The following DPH6 variants were observed in gnomAD, a reference collection of about 807,000 sequenced individuals.
The protein encoded by DPH6 is diphthamine biosynthesis 6.
Under a neutral mutation model 38.2 loss-of-function variants are expected in DPH6, and 33 were observed. The observed-to-expected ratio is 0.86, with a 90% CI of 0.65 to 1.15. DPH6 has a LOEUF of 1.15. DPH6 is among the 50% of genes most tolerant of loss of function. The pLI is 0.00. For synonymous variants in DPH6, 108 were observed against 103.0 expected, an observed-to-expected ratio of 1.05 and a Z score of -0.30; for missense variants, 325 against 320.0, an observed-to-expected ratio of 1.02 and a Z score of -0.12.
intron 3 of DPH6, among the ~76,000 whole-genome samples, chr15:35,471,839 T>A (rs2054202493): frequency 6.6e-6 from 1 of 152,244 alleles, no homozygotes; most frequent in Non-Finnish European, 1.5e-5. Flanking sequence ...TTTCTATACA[T>A]GTTCTTAGTT....
At chr15:35,294,236 C>T (rs1003774014) in intron 3 of DPH6, among the ~76,000 whole-genome samples, 3 of 152,316 alleles carry the variant, frequency 2.0e-5, no homozygotes, top group South Asian at 2.1e-4. Context: ...TATCCTACTC[C>T]CTCAGTCCTT....
intron 6 of DPH6, among the ~76,000 whole-genome samples, chr15:35,387,546 G>A (rs2052984977): frequency 6.6e-6 from 1 of 152,256 alleles, no homozygotes; most frequent in East Asian, 1.9e-4. Context: ...TCTCCTTGAA[G>A]AGGTCCTTCA....
At chr15:35,336,267 T>C (rs951882715) in intron 3 of DPH6, among the ~76,000 whole-genome samples, 1 of 152,120 alleles carries the variant, frequency 6.6e-6, no homozygotes, top group African/African-American at 2.4e-5. Context: ...CAGAGTGTTT[T>C]CCAACTTGGT....
intron 3 of DPH6, among the ~76,000 whole-genome samples, chr15:35,339,383 G>T (rs1282297526): frequency 6.6e-6 from 1 of 151,780 alleles, no homozygotes; most frequent in Non-Finnish European, 1.5e-5. Flanking sequence ...GGAGTGCAGT[G>T]GCGTGATCTC....
chr15:35,152,057 C>T, the DPH6 span, among the ~76,000 whole-genome samples: 1 of 152,180 alleles, frequency 6.6e-6, no homozygotes, highest in Admixed American at 6.5e-5. Context: ...GTACATATAG[C>T]TCACATTAAT....
At chr15:35,308,040 G>T (rs1350039984) in intron 3 of DPH6, among the ~76,000 whole-genome samples, 1 of 152,172 alleles carries the variant, frequency 6.6e-6, no homozygotes, top group African/African-American at 2.4e-5. Context: ...GGGAGGCTGA[G>T]GTGGGAGGAT....
intron 3 of DPH6, among the ~76,000 whole-genome samples, chr15:35,262,302 C>A (rs1458727930): frequency 1.3e-5 from 2 of 152,142 alleles, no homozygotes; most frequent in African/African-American, 4.8e-5. Flanking sequence ...AAGATAAACA[C>A]ACTTCATAAA....
chr15:35,285,872 G>GTTGTTTTTTT (rs1555391170), intron 3 of DPH6, among the ~76,000 whole-genome samples: 7 of 52,796 alleles, frequency 1.3e-4, no homozygotes, highest in African/African-American at 5.2e-4. Context: ...TTATCTTTGA[G>GTTGTTTTTTT]TTTTTTTTTT....
chr15:35,498,905 T>G (rs1166054559), intron 3 of DPH6, among the ~76,000 whole-genome samples: 4 of 145,898 alleles, frequency 2.7e-5, no homozygotes, highest in African/African-American at 1.0e-4. Context: ...GCCAGGACTT[T>G]GAGAACAGCC....
intron 3 of DPH6, among the ~76,000 whole-genome samples, chr15:35,229,234 T>C (rs949369525): frequency 6.6e-6 from 1 of 152,136 alleles, no homozygotes; most frequent in African/African-American, 2.4e-5. Context: ...CTTCATTGTT[T>C]TGTTTTCTTT....
chr15:35,486,277 G>T (rs978719060), intron 3 of DPH6, among the ~76,000 whole-genome samples: 1 of 151,762 alleles, frequency 6.6e-6, no homozygotes, highest in East Asian at 1.9e-4. Context: ...ATCTCCACCT[G>T]GTCCCACCCT....
chr15:35,263,180 C>G (rs2120776), intron 3 of DPH6, among the ~76,000 whole-genome samples: 73,624 of 151,892 alleles, frequency 0.48, 22,033 homozygotes, highest in Non-Finnish European at 0.65. Flanking sequence ...ACTACTAATA[C>G]TCTATTTACA....
At chr15:35,203,309 A>T in the DPH6 span, among the ~76,000 whole-genome samples, 1 of 151,676 alleles carries the variant, frequency 6.6e-6, no homozygotes, top group Non-Finnish European at 1.5e-5. Flanking sequence ...CAAAAATAAA[A>T]CAATATAACA....
chr15:35,439,405 T>A (rs2053758013), intron 5 of DPH6, among the ~76,000 whole-genome samples: 1 of 152,252 alleles, frequency 6.6e-6, no homozygotes. Flanking sequence ...GCTTCTCTAG[T>A]ATTTGGACAC....
chr15:35,288,545 T>C (rs1423725370), intron 3 of DPH6, among the ~76,000 whole-genome samples: 1 of 152,202 alleles, frequency 6.6e-6, no homozygotes, highest in Non-Finnish European at 1.5e-5. Flanking sequence ...TCCTATTTAT[T>C]TTATTTTGAC....
chr15:35,366,237 T>C (rs913641316), downstream of DPH6, among the ~76,000 whole-genome samples: 1 of 150,954 alleles, frequency 6.6e-6, no homozygotes, highest in African/African-American at 2.4e-5. Context: ...CTTGTGTGTG[T>C]GTGTGTGTGT....
At chr15:35,283,297 C>T (rs1364129656) in intron 3 of DPH6, among the ~76,000 whole-genome samples, 3 of 150,850 alleles carry the variant, frequency 2.0e-5, no homozygotes, top group African/African-American at 7.3e-5. Flanking sequence ...CTTCCTCCTC[C>T]TCCTCCTCTT....
chr15:35,376,207 C>A (rs75689914), intron 7 of DPH6, among the ~76,000 whole-genome samples: 2,370 of 152,196 alleles, frequency 0.016, 55 homozygotes, highest in African/African-American at 0.054. Context: ...TTCTACCCCA[C>A]CCTGAGCTCT....
chr15:35,377,574 A>G (rs952802558), intron 7 of DPH6, among the ~76,000 whole-genome samples: 5 of 152,172 alleles, frequency 3.3e-5, no homozygotes, highest in Admixed American at 2.0e-4. Flanking sequence ...TTGAGGACCT[A>G]CAATTATCCT....
Sources: gnomAD v4.1 joint callset for allele counts (sites outside exome capture counted in the v4.1 genomes callset) on GRCh38, gnomAD v4.1.1 for gene constraint, MANE v1.5 for transcripts, NCBI Gene and HGNC (gene_info 2026-07-23, HGNC 2026-07-21) for gene names.